Variants in SGIP1 observed in about 807,000 individuals in gnomAD.
SGIP1 encodes the protein SH3-containing GRB2-like protein 3-interacting protein 1.
In SGIP1, 38 loss-of-function variants were observed where a neutral mutation model predicts 107.5. The observed-to-expected ratio is 0.35, with a 90% confidence interval of 0.27 to 0.46. The LOEUF (loss-of-function observed/expected upper bound fraction) is 0.46. Among genes scored for constraint, SGIP1 ranks in the 20% least tolerant of loss-of-function variants. SGIP1 has a pLI of 1.00. For synonymous variants in SGIP1, 365 were observed against 366.1 expected, an observed-to-expected ratio of 1.00 and a Z score of 0.03; for missense variants, 929 against 1,019.5, an observed-to-expected ratio of 0.91 and a Z score of 1.21.
At chr1:66,629,162 C>T (rs1382320070) in intron 2 of SGIP1, among the ~76,000 whole-genome samples, 2 of 152,176 alleles carry the variant, frequency 1.3e-5, no homozygotes, top group African/African-American at 2.4e-5. Flanking sequence ...GCTGCTACAA[C>T]TCACTGTGGG....
chr1:66,734,512 T>G (rs1008841976), intron 21 of SGIP1, among the ~76,000 whole-genome samples: 3 of 151,150 alleles, frequency 2.0e-5, no homozygotes, highest in Admixed American at 6.6e-5. Flanking sequence ...TTGGTTTTTT[T>G]TTTTTTTTTT....
At chr1:66,730,496 C>T (rs988090181) in intron 20 of SGIP1, among the ~76,000 whole-genome samples, 1 of 152,108 alleles carries the variant, frequency 6.6e-6, no homozygotes. Flanking sequence ...TTTTTCTTTA[C>T]TGCCACCTCC....
At chr1:66,562,247 ACT>A (rs1483431624) in intron 1 of SGIP1, among the ~76,000 whole-genome samples, 2 of 151,912 alleles carry the variant, frequency 1.3e-5, no homozygotes, top group South Asian at 2.1e-4. Flanking sequence ...TCTAATCTAG[ACT>A]CTGCACAACA....
intron 1 of SGIP1, among the ~76,000 whole-genome samples, chr1:66,599,608 G>T (rs754018019): frequency 1.8e-4 from 27 of 152,164 alleles, no homozygotes; most frequent in Non-Finnish European, 3.7e-4. Flanking sequence ...AGACTTCCAT[G>T]CTACACATCT....
At chr1:66,574,595 A>G (rs1438115486) in intron 1 of SGIP1, among the ~76,000 whole-genome samples, 1 of 152,130 alleles carries the variant, frequency 6.6e-6, no homozygotes, top group African/African-American at 2.4e-5. Context: ...GGAGTTATCA[A>G]CCTGTTCCTT....
intron 18 of SGIP1, among the ~76,000 whole-genome samples, chr1:66,709,683 G>A (rs2092779703): frequency 6.6e-6 from 1 of 152,144 alleles, no homozygotes; most frequent in Non-Finnish European, 1.5e-5. Context: ...CCTCAGGACA[G>A]GAGAAGCCAA....
chr1:66,627,419 A>C (rs2073122615), intron 2 of SGIP1, among the ~76,000 whole-genome samples: 1 of 152,136 alleles, frequency 6.6e-6, no homozygotes, highest in Admixed American at 6.5e-5. Flanking sequence ...TAAATGTGAT[A>C]ATGGAAGGCA....
intron 4 of SGIP1, among the ~76,000 whole-genome samples, chr1:66,637,459 G>C (rs1476271795): frequency 8.9e-6 from 1 of 111,770 alleles, no homozygotes; most frequent in African/African-American, 2.7e-5. Context: ...GTGTGTTTGT[G>C]TGTGTGTGTG....
chr1:66,602,640 T>TAATAAATAAATA (rs59060604), intron 1 of SGIP1, among the ~76,000 whole-genome samples: 31 of 150,638 alleles, frequency 2.1e-4, no homozygotes, highest in Middle Eastern at 3.4e-3. Flanking sequence ...TAAAGTATAA[T>TAATAAATAAATA]AATAAATAAA....
intron 1 of SGIP1, among the ~76,000 whole-genome samples, chr1:66,617,209 G>A (rs1001494552): frequency 6.6e-6 from 1 of 152,122 alleles, no homozygotes; most frequent in Non-Finnish European, 1.5e-5. Context: ...CTTGCACCAG[G>A]TACTGCTAGA....
chr1:66,737,116 G>A (rs1453845224), intron 21 of SGIP1, among the ~76,000 whole-genome samples: 1 of 152,022 alleles, frequency 6.6e-6, no homozygotes, highest in Non-Finnish European at 1.5e-5. Context: ...AATAAGAAAG[G>A]AAAACTCTAA....
At chr1:66,624,460 T>G (rs1361897480) in intron 1 of SGIP1, among the ~76,000 whole-genome samples, 1 of 152,228 alleles carries the variant, frequency 6.6e-6, no homozygotes, top group Non-Finnish European at 1.5e-5. Flanking sequence ...GGGAGGACTT[T>G]TTTAAAAATT....
intron 1 of SGIP1, among the ~76,000 whole-genome samples, chr1:66,552,906 G>A (rs1417706543): frequency 6.6e-6 from 1 of 152,128 alleles, no homozygotes; most frequent in Non-Finnish European, 1.5e-5. Context: ...AGAAAAAGCA[G>A]ATAAGTTTTC....
At position 66,698,269 on chromosome 1, in the gene SGIP1, T is replaced by C. The variant is rs181038015; in HGVS notation, c.1630+2776T>C. Among the ~76,000 whole-genome samples, 22 of 152,364 alleles carry C rather than the reference T, an allele frequency of 1.4e-4. No individual in the cohort carries two copies. The East Asian group carries it at 2.1e-3, about 15-fold the overall frequency. On this transcript the variant is annotated intron_variant, in intron 18 of 24. Transcript: ENST00000371037. ...TTCTAATTCTCGAGTCCCAGTGCTT[T>C]TCTGAATGTTTTACTTTTAGAAACA...
At chr1:66,659,993 A>AGAAGGAAG (rs1557496688) in intron 7 of SGIP1, 1 of 90,238 alleles carries the variant, frequency 1.1e-5, no homozygotes, top group Non-Finnish European at 1.8e-5. Context: ...AAAGAAAGAA[A>AGAAGGAAG]GAAAGACAGA....
rs1433909188 is a variant in SGIP1, at chr1:66,729,292, G to A, written c.1771G>A (p.Val591Met). ...TATCGTTAAGATTACCGGAGAAATG[G>A]TGTTGTCATTTCCTGCTGGCATCAC... ...KCIVKITGEM[V>M]LSFPAGITRH... Residue 591 changes from valine to methionine, a missense_variant, in exon 20 of 25, where the codon GTG (valine) becomes ATG (methionine). Physicochemically the swap from Val to Met is conservative, Grantham distance 21 (BLOSUM62 1). Around this residue, in one of 2 missense-constraint regions of SGIP1, gnomAD observed 341 missense variants for 430.9 expected, o/e 0.79. Coordinates refer to ENST00000371037, the MANE Select transcript of SGIP1 (RefSeq NM_032291.4). The A allele has an allele frequency of 1.2e-6, 2 of 1,613,844 alleles. No homozygotes were observed. Among genetic ancestry groups the A allele is most frequent in the Admixed American group, 3.3e-5 (2 of 59,974 alleles).
At chr1:66,725,443 A>G (rs1430084822) in intron 19 of SGIP1, among the ~76,000 whole-genome samples, 1 of 152,144 alleles carries the variant, frequency 6.6e-6, no homozygotes, top group Non-Finnish European at 1.5e-5. Context: ...ATTAACATCA[A>G]TTTCCCCAGA....
At chr1:66,572,473 A>G (rs762399316) in intron 1 of SGIP1, among the ~76,000 whole-genome samples, 1 of 152,008 alleles carries the variant, frequency 6.6e-6, no homozygotes, top group Non-Finnish European at 1.5e-5. Flanking sequence ...GTTGATATTC[A>G]GTTTAGTTCC....
At chr1:66,685,755 A>G (rs2088054589) in intron 15 of SGIP1, among the ~76,000 whole-genome samples, 1 of 152,212 alleles carries the variant, frequency 6.6e-6, no homozygotes, top group Non-Finnish European at 1.5e-5. Flanking sequence ...ATTAATATAA[A>G]AAGTTCATTC....
Sources: allele counts gnomAD v4.1 joint callset (sites outside exome capture counted in the v4.1 genomes callset), GRCh38; gene constraint gnomAD v4.1.1; regional missense constraint gnomAD v4.1.1; transcripts MANE v1.5; gene names NCBI Gene and HGNC (gene_info 2026-07-23, HGNC 2026-07-21).